AUTS2: variants seen among roughly 807,000 people sequenced by gnomAD.
AUTS2 encodes activator of transcription and developmental regulator AUTS2, also known as autism susceptibility gene 2 protein.
Under a neutral mutation model 112.4 loss-of-function variants are expected in AUTS2, and 17 were observed. That is an observed-to-expected ratio of 0.15 (90% CI 0.10 to 0.23). The LOEUF is 0.23. AUTS2 is among the 10% of genes least tolerant of loss of function. The pLI, the probability that AUTS2 is intolerant of heterozygous loss-of-function variation, is 1.00. For synonymous variants in AUTS2, 751 were observed against 702.7 expected (o/e 1.07, Z -1.09); for missense variants, 1,510 against 1,701.6 (o/e 0.89, Z 1.98).
intron 6 of AUTS2, among the ~76,000 whole-genome samples, chr7:70,754,983 T>C (rs1789103082): frequency 6.6e-6 from 1 of 152,222 alleles, no homozygotes; most frequent in African/African-American, 2.4e-5. Context: ...AGCTGTACTT[T>C]GGGAGAGTTG....
chr7:69,964,082 A>G (rs1041133561), intron 2 of AUTS2, among the ~76,000 whole-genome samples: 1 of 152,160 alleles, frequency 6.6e-6, no homozygotes, highest in Non-Finnish European at 1.5e-5. Context: ...TAGCTCTAAG[A>G]AAATTTGTGT....
intron 5 of AUTS2, among the ~76,000 whole-genome samples, chr7:70,454,113 G>A (rs919837845): frequency 6.6e-6 from 1 of 152,152 alleles, no homozygotes; most frequent in Non-Finnish European, 1.5e-5. Flanking sequence ...GTTTGTGGGT[G>A]GTCGAAGAAC....
intron 4 of AUTS2, among the ~76,000 whole-genome samples, chr7:70,320,876 G>A (rs946197589): frequency 6.6e-6 from 1 of 152,196 alleles, no homozygotes; most frequent in African/African-American, 2.4e-5. Flanking sequence ...AGTCAGTGCA[G>A]TTGGACCAGG....
chr7:69,655,322 G>GT (rs1229028167), intron 1 of AUTS2, among the ~76,000 whole-genome samples: 1 of 152,208 alleles, frequency 6.6e-6, no homozygotes, highest in Admixed American at 6.5e-5. Flanking sequence ...TCTAGGCTCT[G>GT]TATTAATTTG....
chr7:69,725,290 A>C (rs1458738775), intron 1 of AUTS2, among the ~76,000 whole-genome samples: 1 of 152,178 alleles, frequency 6.6e-6, no homozygotes, highest in Non-Finnish European at 1.5e-5. Context: ...TATGGAGCCC[A>C]CTTGAATCAA....
chr7:69,947,353 G>A (rs554793589), intron 2 of AUTS2, among the ~76,000 whole-genome samples: 2 of 152,282 alleles, frequency 1.3e-5, no homozygotes, highest in South Asian at 4.1e-4. Context: ...GCATCTTGGC[G>A]AGAAAAGCCA....
At chr7:69,883,373 T>G (rs1408918149) in intron 1 of AUTS2, among the ~76,000 whole-genome samples, 1 of 151,750 alleles carries the variant, frequency 6.6e-6, no homozygotes, top group Non-Finnish European at 1.5e-5. Context: ...TACTCATTGG[T>G]GCTGTAAGGT....
intron 1 of AUTS2, among the ~76,000 whole-genome samples, chr7:69,800,448 T>C (rs779256760): frequency 2.0e-5 from 3 of 152,192 alleles, no homozygotes; most frequent in Non-Finnish European, 4.4e-5. Context: ...AAGCAGTCCT[T>C]CTTTTTGGTG....
chr7:70,481,857 C>T (rs1451320923), intron 5 of AUTS2, among the ~76,000 whole-genome samples: 2 of 152,136 alleles, frequency 1.3e-5, no homozygotes, highest in Non-Finnish European at 2.9e-5. Flanking sequence ...TCCTCTTAAA[C>T]GTTGATTGTT....
At chr7:70,142,726 G>T (rs1379768523) in intron 4 of AUTS2, among the ~76,000 whole-genome samples, 1 of 152,130 alleles carries the variant, frequency 6.6e-6, no homozygotes, top group East Asian at 1.9e-4. Context: ...ACAGTGCATT[G>T]ACAGTCCCAG....
At chr7:70,635,531 C>T (rs1165799049) in intron 5 of AUTS2, among the ~76,000 whole-genome samples, 4 of 152,142 alleles carry the variant, frequency 2.6e-5, no homozygotes, top group Admixed American at 1.3e-4. Context: ...TCTCCCTGAG[C>T]ACCATTTGGG....
chr7:69,660,988 A>G (rs751474302), intron 1 of AUTS2, among the ~76,000 whole-genome samples: 12 of 152,226 alleles, frequency 7.9e-5, no homozygotes, highest in South Asian at 2.1e-4. Flanking sequence ...TGGCTTCACC[A>G]TGTCATTGGG....
intron 1 of AUTS2, among the ~76,000 whole-genome samples, chr7:69,726,233 T>C (rs1204395305): frequency 6.6e-6 from 1 of 152,240 alleles, no homozygotes; most frequent in Non-Finnish European, 1.5e-5. Flanking sequence ...ACCACTGTTC[T>C]GATTCGTGTT....
chr7:70,009,681 T>A (rs1799709382), intron 2 of AUTS2, among the ~76,000 whole-genome samples: 1 of 152,218 alleles, frequency 6.6e-6, no homozygotes, highest in Non-Finnish European at 1.5e-5. Flanking sequence ...TGAAAAATGT[T>A]TCTTTAATCG....
intron 6 of AUTS2, among the ~76,000 whole-genome samples, chr7:70,718,291 G>A (rs1300869012): frequency 1.3e-5 from 2 of 152,106 alleles, no homozygotes; most frequent in Admixed American, 1.3e-4. Flanking sequence ...TTTCAGACAT[G>A]GCCCCTCAGT....
At position 69,916,668 on chromosome 7, in the gene AUTS2, A is replaced by G. The variant is rs193165557; in HGVS notation, c.522+17170A>G. Among the ~76,000 whole-genome samples, 5 of 152,294 alleles carry G rather than the reference A, an allele frequency of 3.3e-5. No homozygotes were observed. The East Asian group carries it at 9.6e-4, about 29-fold the overall frequency. Reference sequence around the variant, plus strand: ...CAAGCCATAAATCTGTTCATACTAGAAACCTGCAAGTCAAACTCCTCTTCC... The same window carrying G: ...CAAGCCATAAATCTGTTCATACTAGGAACCTGCAAGTCAAACTCCTCTTCC... On this transcript the variant is annotated intron_variant, in intron 2 of 18. Transcript: ENST00000342771.
intron 3 of AUTS2, among the ~76,000 whole-genome samples, chr7:70,122,506 A>G (rs773774091): frequency 7.2e-5 from 11 of 152,162 alleles, no homozygotes; most frequent in Middle Eastern, 3.4e-3. Flanking sequence ...ATTATGGGTC[A>G]TATTTTCCTG....
intron 4 of AUTS2, among the ~76,000 whole-genome samples, chr7:70,235,542 C>T (rs762335570): frequency 2.0e-5 from 3 of 152,142 alleles, no homozygotes; most frequent in African/African-American, 4.8e-5. Flanking sequence ...TTTATTATCA[C>T]GTAATAACTA....
intron 1 of AUTS2, among the ~76,000 whole-genome samples, chr7:69,677,444 C>A (rs997030353): frequency 4.6e-5 from 7 of 152,048 alleles, no homozygotes; most frequent in African/African-American, 1.7e-4. Context: ...AACTGGAAAC[C>A]CCAGCATTAA....
Sources: gnomAD v4.1 joint callset for allele counts (sites outside exome capture counted in the v4.1 genomes callset) on GRCh38, gnomAD v4.1.1 for gene constraint, MANE v1.5 for transcripts, NCBI Gene and HGNC (gene_info 2026-07-23, HGNC 2026-07-21) for gene names.